WWOX: variants seen among roughly 807,000 people sequenced by gnomAD.
The protein encoded by WWOX is WW domain-containing oxidoreductase.
A neutral mutation model predicts 46.2 loss-of-function variants in WWOX; 69 were observed. That is an observed-to-expected ratio of 1.49 (90% CI 1.23 to 1.82). The LOEUF (loss-of-function observed/expected upper bound fraction) is 1.82, where lower values mean the gene tolerates loss of function less well. Among genes scored for constraint, WWOX ranks in the 40% most tolerant of loss-of-function variants. The pLI is 0.00. For synonymous variants in WWOX, 359 were observed against 202.6 expected (o/e 1.77, Z -6.56); for missense variants, 919 against 542.6 (o/e 1.69, Z -6.89).
chr16:79,208,619 AGTGCTCTTT>A (rs1484467480), intron 8 of WWOX, among the ~76,000 whole-genome samples: 6 of 128,752 alleles, frequency 4.7e-5, no homozygotes, highest in Non-Finnish European at 9.9e-5. Context: ...TGGTGATTAA[AGTGCTCTTT>A]AAATTTTTTT....
intron 8 of WWOX, among the ~76,000 whole-genome samples, chr16:78,925,693 G>T (rs1270462729): frequency 6.6e-6 from 1 of 152,188 alleles, no homozygotes; most frequent in East Asian, 1.9e-4. Flanking sequence ...GCCAAGATTT[G>T]AGAAGGGAAG....
intron 8 of WWOX, among the ~76,000 whole-genome samples, chr16:79,105,113 G>C (rs1439162593): frequency 6.6e-6 from 1 of 152,148 alleles, no homozygotes; most frequent in Non-Finnish European, 1.5e-5. Context: ...TCACCTGCTG[G>C]GGGTCTTTGG....
intron 4 of WWOX, among the ~76,000 whole-genome samples, chr16:78,156,855 T>G (rs9927362): frequency 0.22 from 33,188 of 151,988 alleles, 3,745 homozygotes; most frequent in South Asian, 0.29. Flanking sequence ...ATCCCTGCGG[T>G]GGAGGTTCTA....
chr16:78,645,244 C>T (rs562377673), intron 8 of WWOX, among the ~76,000 whole-genome samples: 6 of 152,178 alleles, frequency 3.9e-5, no homozygotes, highest in Non-Finnish European at 7.4e-5. Context: ...CTCCTCATTG[C>T]TTAGTTGTCA....
At chr16:78,834,697 T>C (rs1002248321) in intron 8 of WWOX, among the ~76,000 whole-genome samples, 7 of 152,178 alleles carry the variant, frequency 4.6e-5, no homozygotes, top group African/African-American at 1.7e-4. Context: ...ATTTTGTATA[T>C]TGCAGAGATA....
intron 8 of WWOX, among the ~76,000 whole-genome samples, chr16:78,956,094 C>T (rs372003231): frequency 8.5e-4 from 130 of 152,188 alleles, no homozygotes; most frequent in African/African-American, 2.7e-3. Context: ...CCGGCAGAGC[C>T]CTGGCTCACT....
At chr16:78,171,482 C>T (rs1210529890) in intron 5 of WWOX, among the ~76,000 whole-genome samples, 1 of 151,956 alleles carries the variant, frequency 6.6e-6, no homozygotes, top group Non-Finnish European at 1.5e-5. Flanking sequence ...TGGGGGGAGG[C>T]ATGTGGTATG....
chr16:79,012,023 G>C (rs936300534), intron 8 of WWOX, among the ~76,000 whole-genome samples: 2 of 152,078 alleles, frequency 1.3e-5, no homozygotes, highest in Admixed American at 1.3e-4. Context: ...GAATAGTTCA[G>C]GGATCCCTCT....
At chr16:78,738,842 G>A (rs1485311679) in intron 8 of WWOX, among the ~76,000 whole-genome samples, 2 of 152,160 alleles carry the variant, frequency 1.3e-5, no homozygotes, top group Non-Finnish European at 2.9e-5. Flanking sequence ...GAGGTAGGAG[G>A]TAGATAGAGA....
intron 8 of WWOX, among the ~76,000 whole-genome samples, chr16:78,832,288 AAT>A (rs1256196928): frequency 6.6e-6 from 1 of 152,162 alleles, no homozygotes; most frequent in African/African-American, 2.4e-5. Flanking sequence ...GCAGCCTCAC[AAT>A]ATGTCATCTG....
At chr16:78,909,550 G>A (rs1323498743) in intron 8 of WWOX, among the ~76,000 whole-genome samples, 3 of 152,158 alleles carry the variant, frequency 2.0e-5, no homozygotes, top group African/African-American at 7.2e-5. Context: ...TTAACCCTCA[G>A]CCTCTCTTTG....
intron 8 of WWOX, among the ~76,000 whole-genome samples, chr16:79,115,440 C>T (rs772574109): frequency 1.3e-4 from 8 of 63,278 alleles, no homozygotes; most frequent in Non-Finnish European, 2.3e-4. Context: ...AGCCAGGACC[C>T]AAAACCCACA....
intron 7 of WWOX, among the ~76,000 whole-genome samples, chr16:78,430,246 C>T (rs1480476740): frequency 6.6e-6 from 1 of 152,108 alleles, no homozygotes. Context: ...TGGGAGAAAG[C>T]ACCCCCATGA....
intron 8 of WWOX, among the ~76,000 whole-genome samples, chr16:78,478,224 A>G (rs2084399376): frequency 6.6e-6 from 1 of 152,236 alleles, no homozygotes; most frequent in South Asian, 2.1e-4. Context: ...TTTTTAGTAA[A>G]GGCTGTTACA....
intron 5 of WWOX, among the ~76,000 whole-genome samples, chr16:78,171,728 T>C (rs1281489871): frequency 6.6e-6 from 1 of 152,116 alleles, no homozygotes; most frequent in Non-Finnish European, 1.5e-5. Context: ...TTACAAATTG[T>C]TTTTCTGTAT....
rs536838134 is a variant in WWOX, at chr16:78,164,656, T to C, written c.516+367T>C. 2.6e-4 allele frequency among the ~76,000 whole-genome samples: 40 copies of C among 152,332 alleles called. 1 individual carries two copies. The highest frequency in any genetic ancestry group is 7.8e-4 in the Admixed American group (12 of 15,296). On this transcript the variant is annotated intron_variant, in intron 5 of 8. Coordinates refer to ENST00000566780, the MANE Select transcript of WWOX (RefSeq NM_016373.4). ...AAGGAGGCTTTAACCCTATCTCTAA[T>C]TTCTTACTTTTCTCTGTCTATGTAG...
intron 5 of WWOX, among the ~76,000 whole-genome samples, chr16:78,247,889 C>T (rs919651854): frequency 6.6e-6 from 1 of 152,196 alleles, no homozygotes; most frequent in Non-Finnish European, 1.5e-5. Flanking sequence ...GCAGGTGGAG[C>T]CTTGGCGATC....
At chr16:78,477,372 CT>C (rs765260793) in intron 8 of WWOX, among the ~76,000 whole-genome samples, 8 of 151,034 alleles carry the variant, frequency 5.3e-5, no homozygotes, top group African/African-American at 1.5e-4. Flanking sequence ...TGTGGTTCTA[CT>C]TTTTTTTTAA....
chr16:79,025,865 C>G (rs1264149261), intron 8 of WWOX, among the ~76,000 whole-genome samples: 1 of 143,856 alleles, frequency 7.0e-6, no homozygotes. Flanking sequence ...ACGGCACAAT[C>G]TTGGTTCACT....
Sources: allele counts gnomAD v4.1 joint callset (sites outside exome capture counted in the v4.1 genomes callset), GRCh38; gene constraint gnomAD v4.1.1; transcripts MANE v1.5; gene names NCBI Gene and HGNC (gene_info 2026-07-23, HGNC 2026-07-21).